Variants in MAPRE2 observed in about 807,000 individuals in gnomAD.
MAPRE2 encodes microtubule associated protein RP/EB family member 2, also known as microtubule-associated protein RP/EB family member 2.
Under a neutral mutation model 43.2 loss-of-function variants are expected in MAPRE2, and 13 were observed. The observed-to-expected ratio is 0.30, with a 90% CI of 0.20 to 0.48. MAPRE2 has a LOEUF of 0.48. Ranked by LOEUF, MAPRE2 falls within the 20% of genes least tolerant of loss-of-function variation. MAPRE2 has a pLI of 0.99. For synonymous variants in MAPRE2, 135 were observed against 148.8 expected (o/e 0.91, Z 0.68); for missense variants, 161 against 400.2 (o/e 0.40, Z 5.10).
intron 2 of MAPRE2, among the ~76,000 whole-genome samples, chr18:35,074,872 C>A (rs964118955): frequency 6.6e-6 from 1 of 151,398 alleles, no homozygotes; most frequent in Non-Finnish European, 1.5e-5. Context: ...TGGACTGTCA[C>A]TGTCTGTCAC....
chr18:35,139,162 A>G (rs1569019310), intron 6 of MAPRE2, among the ~76,000 whole-genome samples: 1 of 152,322 alleles, frequency 6.6e-6, no homozygotes, highest in East Asian at 1.9e-4. Context: ...TGAATTGGCT[A>G]AAGATGGGTT....
chr18:35,020,578 G>A (rs987269285), intron 2 of MAPRE2, among the ~76,000 whole-genome samples: 5 of 151,638 alleles, frequency 3.3e-5, no homozygotes, highest in African/African-American at 4.8e-5. Flanking sequence ...TGCAGTGAGT[G>A]CTTAGAACAT....
At chr18:35,023,157 G>A (rs144209841) in intron 2 of MAPRE2, among the ~76,000 whole-genome samples, 293 of 152,228 alleles carry the variant, frequency 1.9e-3, no homozygotes, top group African/African-American at 6.7e-3. Context: ...TAAGAAAGAT[G>A]TTTACTTTTC....
chr18:35,064,608 G>A (rs948006548), intron 1 of MAPRE2, among the ~76,000 whole-genome samples: 6 of 152,304 alleles, frequency 3.9e-5, no homozygotes, highest in African/African-American at 1.4e-4. Flanking sequence ...AAATTGTTGA[G>A]TATTTTGTAG....
intron 1 of MAPRE2, among the ~76,000 whole-genome samples, chr18:34,990,904 C>A (rs1227262241): frequency 1.3e-5 from 2 of 152,186 alleles, no homozygotes; most frequent in South Asian, 2.1e-4. Context: ...CTATAGGGAG[C>A]TTTCGCTGTA....
chr18:35,085,914 T>C (rs1417433723), intron 2 of MAPRE2, among the ~76,000 whole-genome samples: 1 of 152,216 alleles, frequency 6.6e-6, no homozygotes, highest in Non-Finnish European at 1.5e-5. Context: ...CATTCTTTGT[T>C]GATACTAGCT....
chr18:35,024,494 T>C (rs763995737), intron 2 of MAPRE2, among the ~76,000 whole-genome samples: 1 of 152,252 alleles, frequency 6.6e-6, no homozygotes, highest in Non-Finnish European at 1.5e-5. Context: ...AATGAACCTA[T>C]TTCAGTTCTA....
intron 6 of MAPRE2, among the ~76,000 whole-genome samples, chr18:35,137,345 C>T (rs1234014031): frequency 2.0e-5 from 3 of 152,202 alleles, no homozygotes; most frequent in African/African-American, 7.2e-5. Flanking sequence ...AAAAGGCCAG[C>T]AAACCTGCTG....
intron 1 of MAPRE2, among the ~76,000 whole-genome samples, chr18:34,995,938 C>T (rs2097026270): frequency 6.6e-6 from 1 of 152,138 alleles, no homozygotes; most frequent in African/African-American, 2.4e-5. Context: ...GGCGGATTCT[C>T]ACACCCCTCA....
chr18:34,999,229 T>A (rs1277460769), intron 1 of MAPRE2, among the ~76,000 whole-genome samples: 1 of 152,194 alleles, frequency 6.6e-6, no homozygotes, highest in African/African-American at 2.4e-5. Context: ...TTCAAAAATA[T>A]CTGATTAAAA....
chr18:35,099,016 A>C (rs1908552846), intron 3 of MAPRE2, among the ~76,000 whole-genome samples: 1 of 152,220 alleles, frequency 6.6e-6, no homozygotes, highest in Non-Finnish European at 1.5e-5. Flanking sequence ...GGCACAATGG[A>C]AAGTTCTATG....
chr18:35,087,858 C>T (rs1172173687), intron 2 of MAPRE2, among the ~76,000 whole-genome samples: 5 of 152,162 alleles, frequency 3.3e-5, no homozygotes, highest in Admixed American at 1.3e-4. Context: ...TATTGTCTTC[C>T]TCTTCTGGAG....
chr18:35,088,428 G>A (rs1230811204), intron 2 of MAPRE2, among the ~76,000 whole-genome samples: 1 of 152,178 alleles, frequency 6.6e-6, no homozygotes, highest in Non-Finnish European at 1.5e-5. Context: ...GAAATAGACA[G>A]AGGCCTGATA....
chr18:34,993,950 T>C (rs976501755), intron 1 of MAPRE2, among the ~76,000 whole-genome samples: 1 of 152,080 alleles, frequency 6.6e-6, no homozygotes, highest in African/African-American at 2.4e-5. Context: ...GATGATCTCA[T>C]TTAATGCCAT....
Position 35,141,934 on chromosome 18 carries a change from G to A in MAPRE2, c.*1565G>A, listed in dbSNP as rs1263337662. The A allele has an allele frequency of 6.7e-6, 1 of 148,692 alleles. No homozygotes were observed. Among genetic ancestry groups the A allele is most frequent in the Non-Finnish European group, 1.5e-5 (1 of 67,334 alleles). The allele number at this position is 148,692 out of a possible 1,614,324, so 9.2% of individuals were successfully genotyped here. ...GCATTGAAGCTTTTCACCAAAAGAA[G>A]TCTCTCCAAAATAAATCTTTTGCAG... On this transcript the variant is annotated 3_prime_UTR_variant, in exon 7 of 7. Coordinates refer to ENST00000300249, the MANE Select transcript of MAPRE2 (RefSeq NM_014268.4).
intron 1 of MAPRE2, among the ~76,000 whole-genome samples, chr18:34,993,338 A>G (rs1271563496): frequency 1.3e-5 from 2 of 150,106 alleles, no homozygotes; most frequent in Non-Finnish European, 2.9e-5. Context: ...CCTCGGCTCA[A>G]GGGATTTTCC....
At chr18:35,019,497 A>C (rs2097040633) in intron 2 of MAPRE2, among the ~76,000 whole-genome samples, 1 of 151,942 alleles carries the variant, frequency 6.6e-6, no homozygotes, top group Non-Finnish European at 1.5e-5. Flanking sequence ...TGTCAGTGGG[A>C]TGTTAAAGTC....
At chr18:35,112,149 G>A (rs1909202636) in intron 4 of MAPRE2, among the ~76,000 whole-genome samples, 1 of 151,350 alleles carries the variant, frequency 6.6e-6, no homozygotes, top group Admixed American at 6.6e-5. Flanking sequence ...TCATTATTAT[G>A]CAGAACACTG....
At chr18:35,088,005 A>G (rs74359690) in intron 2 of MAPRE2, among the ~76,000 whole-genome samples, 48 of 152,312 alleles carry the variant, frequency 3.2e-4, no homozygotes, top group Middle Eastern at 6.8e-3. Context: ...TGCTTTCCCA[A>G]GAATGGCATT....
Sources: allele counts gnomAD v4.1 joint callset (sites outside exome capture counted in the v4.1 genomes callset), GRCh38; gene constraint gnomAD v4.1.1; transcripts MANE v1.5; gene names NCBI Gene and HGNC (gene_info 2026-07-23, HGNC 2026-07-21).